TMC7: variants seen among roughly 807,000 people sequenced by gnomAD.
TMC7 encodes transmembrane channel-like protein 7.
TMC7 carries 54 observed loss-of-function variants against 82.9 expected under a neutral mutation model. The observed-to-expected ratio is 0.65, with a 90% CI of 0.52 to 0.82. TMC7 has a LOEUF of 0.82. Ranked by LOEUF, TMC7 falls within the 40% of genes least tolerant of loss-of-function variation. TMC7 has a pLI of 0.00. For synonymous variants in TMC7, 350 were observed against 337.9 expected, an observed-to-expected ratio of 1.04 and a Z score of -0.39; for missense variants, 820 against 901.2, an observed-to-expected ratio of 0.91 and a Z score of 1.15.
chr16:19,030,633 C>T (rs1001436862), intron 6 of TMC7, among the ~76,000 whole-genome samples: 1 of 148,916 alleles, frequency 6.7e-6, no homozygotes, highest in African/African-American at 2.5e-5. Context: ...GACTGGAGTG[C>T]GGTGGCGGGA....
chr16:19,014,272 C>G (rs898239105), intron 2 of TMC7, among the ~76,000 whole-genome samples: 2 of 152,080 alleles, frequency 1.3e-5, no homozygotes, highest in African/African-American at 2.4e-5. Flanking sequence ...CCACTAGATG[C>G]CAGAAGCATG....
intron 1 of TMC7, among the ~76,000 whole-genome samples, chr16:19,002,571 T>C (rs191496837): frequency 2.0e-5 from 3 of 152,286 alleles, no homozygotes; most frequent in Non-Finnish European, 4.4e-5. Flanking sequence ...AGACACCGCT[T>C]TTAAGCCTCA....
At chr16:19,049,607 C>G in intron 12 of TMC7, 3 of 985,184 alleles carry the variant, frequency 3.0e-6, no homozygotes, top group Non-Finnish European at 3.6e-6. Flanking sequence ...TTTCCCTTTC[C>G]AGGAAATACT....
intron 1 of TMC7, among the ~76,000 whole-genome samples, chr16:18,993,621 G>T (rs955017084): frequency 2.6e-5 from 4 of 152,138 alleles, no homozygotes; most frequent in Non-Finnish European, 5.9e-5. Flanking sequence ...CCTTTTGATG[G>T]CCCTTGCAGT....
intron 15 of TMC7, among the ~76,000 whole-genome samples, chr16:19,060,483 G>A (rs889517469): frequency 3.3e-5 from 5 of 152,134 alleles, no homozygotes; most frequent in African/African-American, 1.2e-4. Context: ...GGGATTACAG[G>A]CATGAGCCAC....
intron 1 of TMC7, among the ~76,000 whole-genome samples, chr16:18,987,626 T>G (rs1357022316): frequency 2.0e-5 from 3 of 152,148 alleles, no homozygotes; most frequent in African/African-American, 7.2e-5. Flanking sequence ...TTTCCTAGAA[T>G]GTGGATGCCT....
intron 2 of TMC7, 85 bp downstream of exon 2, chr16:19,009,500 A>G (rs887401665): frequency 6.8e-7 from 1 of 1,479,878 alleles, no homozygotes; most frequent in African/African-American, 1.4e-5. Context: ...TTTCCTGAAG[A>G]GCTCATATAA....
chr16:18,984,160 G>A (rs532773093), intron 1 of TMC7, 30 bp downstream of exon 1: 4 of 1,481,680 alleles, frequency 2.7e-6, no homozygotes, highest in African/African-American at 1.5e-5. Context: ...GCGCGGGGAC[G>A]GTGCCCCTGG....
chr16:19,044,733 T>C, intron 9 of TMC7, 151 bp from the exon 10 acceptor site: 2 of 563,690 alleles, frequency 3.5e-6, no homozygotes, highest in Non-Finnish European at 6.0e-6. Context: ...ACACCACTGC[T>C]CTCCAGCCTG....
chr16:19,036,514 GAAAA>G (rs768809502), intron 7 of TMC7, among the ~76,000 whole-genome samples: 1 of 120,940 alleles, frequency 8.3e-6, no homozygotes, highest in Non-Finnish European at 1.7e-5. Flanking sequence ...TCTCAAAAAA[GAAAA>G]AAAAAGTACA....
At chr16:19,032,907 G>A (rs752439490) in intron 6 of TMC7, among the ~76,000 whole-genome samples, 8 of 152,182 alleles carry the variant, frequency 5.3e-5, no homozygotes, top group African/African-American at 1.7e-4. Context: ...GATTACAGGC[G>A]TGAGCCACCG....
intron 1 of TMC7, among the ~76,000 whole-genome samples, chr16:18,991,034 T>A (rs771269198): frequency 1.6e-4 from 24 of 152,102 alleles, no homozygotes; most frequent in Non-Finnish European, 1.9e-4. Flanking sequence ...TGGTAAAGTG[T>A]CTGGGCAGTG....
At chr16:19,057,649 G>A (rs1022819826) in intron 14 of TMC7, among the ~76,000 whole-genome samples, 1 of 152,244 alleles carries the variant, frequency 6.6e-6, no homozygotes, top group African/African-American at 2.4e-5. Context: ...CCCCAGCAGT[G>A]CTTTGGCTGG....
chr16:19,014,545 C>T (rs73526792), intron 2 of TMC7, among the ~76,000 whole-genome samples: 4,873 of 152,294 alleles, frequency 0.032, 275 homozygotes, highest in African/African-American at 0.11. Flanking sequence ...TGCCGTGTGC[C>T]ATATGCCATG....
intron 1 of TMC7, among the ~76,000 whole-genome samples, chr16:18,993,011 T>C (rs1431829043): frequency 5.9e-5 from 9 of 152,182 alleles, no homozygotes; most frequent in African/African-American, 2.2e-4. Flanking sequence ...CCTTGTAGTA[T>C]AGTTTGAAGT....
At chr16:19,056,495 C>T (rs2142316744) in intron 13 of TMC7, 47 bp from the exon 14 acceptor site, 2 of 1,585,066 alleles carry the variant, frequency 1.3e-6, no homozygotes, top group Non-Finnish European at 8.6e-7. Flanking sequence ...GGACACTCAA[C>T]CTGTGCTGCA....
Position 19,061,972 on chromosome 16 carries a change from T to C in TMC7, c.*129T>C, listed in dbSNP as rs140214643. The C allele has an allele frequency of 4.3e-6, 3 of 696,736 alleles. No individual in the cohort carries two copies. Among genetic ancestry groups the C allele is most frequent in the Non-Finnish European group, 6.8e-6 (3 of 439,308 alleles). 43.2% of individuals were successfully genotyped at this position (696,736 alleles called of 1,614,324 possible). On this transcript the variant is annotated 3_prime_UTR_variant, in exon 16 of 16. Coordinates refer to ENST00000304381, the MANE Select transcript of TMC7 (RefSeq NM_024847.4). ...TATATTTTTCTTGAGTTTAGGCTTT[T>C]CCATATGTGCAGCTGTGTTTACCTA... is the stretch of plus-strand genomic sequence containing the variant.
chr16:19,033,561 A>G (rs1304515651), intron 6 of TMC7: 3 of 152,156 alleles, frequency 2.0e-5, no homozygotes, highest in Non-Finnish European at 4.4e-5. Context: ...GCGTGTGCTT[A>G]TAGTTTGAGC....
In TMC7 at chr16:19,047,265, G is replaced by A; in HGVS notation, c.1740+16G>A. 2 of 1,610,238 alleles carry A rather than the reference G, an allele frequency of 1.2e-6. No homozygotes were observed. Among genetic ancestry groups the A allele is most frequent in the Non-Finnish European group, 1.7e-6 (2 of 1,178,088 alleles). ...TGTGAAAGAGGTAAGGAGCCGGTGG[G>A]AATGGGGGCTCATATACTGGGCCAT... On this transcript the variant is annotated intron_variant, in intron 12 of 15. Coordinates refer to ENST00000304381, the MANE Select transcript of TMC7 (RefSeq NM_024847.4).
Sources: gnomAD v4.1 joint callset for allele counts (sites outside exome capture counted in the v4.1 genomes callset) on GRCh38, gnomAD v4.1.1 for gene constraint, MANE v1.5 for transcripts, NCBI Gene and HGNC (gene_info 2026-07-23, HGNC 2026-07-21) for gene names.